The following ZNF366 variants were observed in gnomAD, a reference collection of about 807,000 sequenced individuals.
ZNF366 encodes zinc finger protein 366, also known as dendritic cell-specific transcript protein.
ZNF366 carries 20 observed loss-of-function variants against 47.2 expected under a neutral mutation model. The observed-to-expected ratio is 0.42, with a 90% CI of 0.30 to 0.62. The LOEUF is 0.62. ZNF366 is among the 20% of genes least tolerant of loss of function. The pLI is 0.16. For synonymous variants in ZNF366, 421 were observed against 395.1 expected, an observed-to-expected ratio of 1.07 and a Z score of -0.78; for missense variants, 987 against 976.3, an observed-to-expected ratio of 1.01 and a Z score of -0.15.
At chr5:72,497,885 A>G (rs1561205935) in intron 1 of ZNF366, among the ~76,000 whole-genome samples, 1 of 152,188 alleles carries the variant, frequency 6.6e-6, no homozygotes, top group African/African-American at 2.4e-5. Context: ...GCATGTTTAT[A>G]AGCCAACTAT....
rs1192540772 is a variant in ZNF366, at chr5:72,474,363, A to C, written c.-14-12853T>G. 2.0e-5 allele frequency among the ~76,000 whole-genome samples: 3 copies of C among 151,904 alleles called. 1 individual carries two copies. The highest frequency in any genetic ancestry group is 4.4e-5 in the Non-Finnish European group (3 of 67,834). ...GTTCTCCACTGCACACAAAGGAGAA[A>C]GGACAGGGGAGGGGGGAAAATGCCA... On this transcript the variant is annotated intron_variant, in intron 1 of 4. Transcript: ENST00000318442.
intron 1 of ZNF366, among the ~76,000 whole-genome samples, chr5:72,491,680 C>T (rs1326777439): frequency 1.3e-5 from 2 of 152,168 alleles, no homozygotes; most frequent in African/African-American, 4.8e-5. Context: ...GGCAATTATA[C>T]TAGTATTTGG....
chr5:72,456,852 G>T (rs1743198367), intron 2 of ZNF366, among the ~76,000 whole-genome samples: 1 of 151,932 alleles, frequency 6.6e-6, no homozygotes, highest in African/African-American at 2.4e-5. Flanking sequence ...TGCTTTTGTT[G>T]TTCCAGCTGC....
chr5:72,505,871 G>T (rs892812459), intron 1 of ZNF366, among the ~76,000 whole-genome samples: 19 of 152,262 alleles, frequency 1.2e-4, no homozygotes, highest in African/African-American at 4.6e-4. Flanking sequence ...GAATAATTTT[G>T]CATCCGCAAG....
chr5:72,503,938 CTAAG>C (rs1385799102), intron 1 of ZNF366, among the ~76,000 whole-genome samples: 1 of 152,140 alleles, frequency 6.6e-6, no homozygotes, highest in African/African-American at 2.4e-5. Context: ...TAACTAAGAC[CTAAG>C]TAAAAGTATC....
At chr5:72,455,415 A>C (rs979599176) in intron 3 of ZNF366, among the ~76,000 whole-genome samples, 2 of 152,216 alleles carry the variant, frequency 1.3e-5, no homozygotes, top group Non-Finnish European at 2.9e-5. Context: ...ACCCAGTAGC[A>C]GAGAGAAAAA....
At chr5:72,478,212 G>T (rs982460312) in intron 1 of ZNF366, among the ~76,000 whole-genome samples, 2 of 147,276 alleles carry the variant, frequency 1.4e-5, no homozygotes, top group African/African-American at 4.9e-5. Context: ...TCTGCTCTGT[G>T]CCAGGCCTTG....
chr5:72,477,086 C>A (rs1159224620), intron 1 of ZNF366, among the ~76,000 whole-genome samples: 2 of 152,098 alleles, frequency 1.3e-5, no homozygotes, highest in African/African-American at 4.8e-5. Flanking sequence ...GCTTTCAATG[C>A]CATTTGTCAA....
Position 72,443,613 on chromosome 5 carries a change from A to G in ZNF366, c.*143T>C, listed in dbSNP as rs970458957. On this transcript the variant is annotated 3_prime_UTR_variant, in exon 5 of 5. Transcript: ENST00000318442. ...GAATGACCTGAGAAGGCTTTCCATT[A>G]CCTACATCCCTGCTCATTTAGTCTA... The G allele has an allele frequency of 2.2e-6, 2 of 903,792 alleles. No homozygotes were observed. Among genetic ancestry groups the G allele is most frequent in the Non-Finnish European group, 1.6e-6 (1 of 613,142 alleles). The allele number at this position is 903,792 out of a possible 1,614,324, so 56.0% of individuals were successfully genotyped here. A position where few individuals can be genotyped will look rare whatever the true frequency, so the allele number is the denominator to read the frequency against.
rs1743305179 is a variant in ZNF366, at chr5:72,461,202, G to A, written c.295C>T (p.Leu99Phe). The A allele has an allele frequency of 6.2e-7, 1 of 1,614,032 alleles. No homozygotes were observed. The highest frequency in any genetic ancestry group is 8.5e-7 in the Non-Finnish European group (1 of 1,180,042). The change falls in exon 2 of 5, where the codon CTC becomes TTC. Residue 99 changes from leucine (L) to phenylalanine (F), a missense_variant. Physicochemically the swap from Leu to Phe is conservative, Grantham distance 22 (BLOSUM62 0). Coordinates refer to ENST00000318442, the MANE Select transcript of ZNF366 (RefSeq NM_152625.3). ...NHPAEEVTLA[L>F]HSEENKNHGL... ...TGGTTTTTGTTCTCCTCTGAGTGGA[G>A]GGCGAGGGTGACTTCTTCTGCAGGG...
At chr5:72,456,882 G>A (rs1490897100) in intron 2 of ZNF366, among the ~76,000 whole-genome samples, 2 of 152,056 alleles carry the variant, frequency 1.3e-5, no homozygotes, top group African/African-American at 4.8e-5. Flanking sequence ...TAAGTCTCCA[G>A]TGATAGTTCT....
chr5:72,464,736 A>G (rs964744774), intron 1 of ZNF366, among the ~76,000 whole-genome samples: 17 of 152,364 alleles, frequency 1.1e-4, no homozygotes, highest in African/African-American at 4.1e-4. Context: ...GCACACTAGA[A>G]TAAAATCAGA....
intron 1 of ZNF366, among the ~76,000 whole-genome samples, chr5:72,482,746 T>TTGTGTGTGTGTGTG (rs3041122): frequency 9.3e-4 from 131 of 141,074 alleles, no homozygotes; most frequent in African/African-American, 2.7e-3. Context: ...CATTTCTATT[T>TTGTGTGTGTGTGTG]TGTGTGTGTG....
chr5:72,447,188 C>A, intron 4 of ZNF366, 55 bp downstream of exon 4: 1 of 1,593,556 alleles, frequency 6.3e-7, no homozygotes, highest in South Asian at 1.1e-5. Flanking sequence ...ACGAATTCAG[C>A]TCCCATTTGT....
At chr5:72,463,624 G>A (rs1252961675) in intron 1 of ZNF366, among the ~76,000 whole-genome samples, 3 of 152,228 alleles carry the variant, frequency 2.0e-5, no homozygotes, top group Admixed American at 1.3e-4. Context: ...GAAGTGACAA[G>A]GGCAGTGGGA....
At position 72,461,012 on chromosome 5, in the gene ZNF366, G is replaced by A; in HGVS notation, c.485C>T (p.Pro162Leu). Reference sequence around the variant, plus strand: ...CAGGAATGGAGTGGGCGTTGGCTGGGGCCACACGGCGCTGGGCTTAATGGG... The same window carrying A: ...CAGGAATGGAGTGGGCGTTGGCTGGAGCCACACGGCGCTGGGCTTAATGGG... ...QEPIKPSAVW[P>L]QPTPTPFLPT... The change falls in exon 2 of 5, where the codon CCC becomes CTC. Residue 162 changes from proline to leucine, a missense_variant. By Grantham distance (98) the Pro-to-Leu change is moderately conservative (BLOSUM62 -3). Transcript: ENST00000318442. 6.2e-7 allele frequency: 1 copy of A among 1,614,124 alleles called. No homozygotes were observed.
At chr5:72,503,014 A>C (rs1210319931) in intron 1 of ZNF366, among the ~76,000 whole-genome samples, 1 of 152,110 alleles carries the variant, frequency 6.6e-6, no homozygotes, top group African/African-American at 2.4e-5. Flanking sequence ...GATCGCAGCT[A>C]CTCGGGAGGC....
intron 3 of ZNF366, among the ~76,000 whole-genome samples, chr5:72,453,711 G>A (rs1296912162): frequency 1.3e-5 from 2 of 152,218 alleles, no homozygotes; most frequent in African/African-American, 4.8e-5. Flanking sequence ...TACAAAGAGG[G>A]CACCCAGCAG....
intron 1 of ZNF366, among the ~76,000 whole-genome samples, chr5:72,479,634 A>G (rs1743747350): frequency 6.6e-6 from 1 of 152,214 alleles, no homozygotes; most frequent in South Asian, 2.1e-4. Context: ...GAAGAACAAT[A>G]CTAATGATGA....
Sources: allele counts gnomAD v4.1 joint callset (sites outside exome capture counted in the v4.1 genomes callset), GRCh38; gene constraint gnomAD v4.1.1; transcripts MANE v1.5; gene names NCBI Gene and HGNC (gene_info 2026-07-23, HGNC 2026-07-21).